NFIB: variants seen among roughly 807,000 people sequenced by gnomAD.
NFIB encodes the protein nuclear factor 1 B-type.
In NFIB, 11 loss-of-function variants were observed where a neutral mutation model predicts 61.5. That is an observed-to-expected ratio of 0.18 (90% CI 0.11 to 0.30). The LOEUF (loss-of-function observed/expected upper bound fraction) is 0.30. Among genes scored for constraint, NFIB ranks in the 10% least tolerant of loss-of-function variants. NFIB has a pLI of 1.00. For synonymous variants in NFIB, 260 were observed against 216.5 expected, an observed-to-expected ratio of 1.20 and a Z score of -1.76; for missense variants, 471 against 608.9, an observed-to-expected ratio of 0.77 and a Z score of 2.38.
chr9:14,153,382 T>C (rs528598475), intron 4 of NFIB, among the ~76,000 whole-genome samples: 1 of 152,070 alleles, frequency 6.6e-6, no homozygotes, highest in African/African-American at 2.4e-5. Flanking sequence ...CTTAAGAGCC[T>C]CTGGAAGAAC....
At chr9:14,251,152 A>T (rs553083582) in intron 2 of NFIB, among the ~76,000 whole-genome samples, 1 of 152,328 alleles carries the variant, frequency 6.6e-6, no homozygotes, top group South Asian at 2.1e-4. Context: ...ACATACAAAG[A>T]ACTTTACGGT....
the NFIB span, among the ~76,000 whole-genome samples, chr9:14,459,098 G>A: frequency 6.6e-6 from 1 of 151,896 alleles, no homozygotes; most frequent in Non-Finnish European, 1.5e-5. Context: ...GAGGCATCAC[G>A]CTACCTGACT....
At chr9:14,218,771 C>G (rs1357964994) in intron 2 of NFIB, among the ~76,000 whole-genome samples, 2 of 152,196 alleles carry the variant, frequency 1.3e-5, no homozygotes, top group African/African-American at 4.8e-5. Context: ...TGGCCTTGAT[C>G]ACAGTGGATG....
chr9:14,365,813 G>A (rs191505865), intron 1 of NFIB, among the ~76,000 whole-genome samples: 26 of 152,258 alleles, frequency 1.7e-4, no homozygotes, highest in Admixed American at 9.8e-4. Context: ...AGTATCAAGC[G>A]TGTTCCTTTC....
chr9:14,376,308 A>G (rs922415952), intron 1 of NFIB, among the ~76,000 whole-genome samples: 1 of 152,152 alleles, frequency 6.6e-6, no homozygotes, highest in Non-Finnish European at 1.5e-5. Flanking sequence ...TTTTAAACAT[A>G]ATTTTTAAAA....
chr9:14,359,163 G>A (rs1277407336), intron 1 of NFIB, among the ~76,000 whole-genome samples: 2 of 152,186 alleles, frequency 1.3e-5, no homozygotes, highest in Admixed American at 6.5e-5. Context: ...TGTTAAACTG[G>A]CAGCTGTAGT....
Position 14,085,303 on chromosome 9 carries a change from G to C in NFIB, c.*3006C>G, listed in dbSNP as rs755810617. 9 of 226,136 alleles carry C rather than the reference G, an allele frequency of 4.0e-5. No homozygotes were observed. The highest frequency in any genetic ancestry group is 7.0e-5 in the Non-Finnish European group (8 of 113,762). 14.0% of individuals were successfully genotyped at this position (226,136 alleles called of 1,614,324 possible). A position where few individuals can be genotyped will look rare whatever the true frequency, so the allele number is the denominator to read the frequency against. On this transcript the variant is annotated 3_prime_UTR_variant, in exon 11 of 11. Coordinates refer to ENST00000380953, the MANE Select transcript of NFIB (RefSeq NM_001190737.2). ...ATGGCCTAGGGGAAGGGGGCCAGGG[G>C]ACTCCTTAAGACAGCCTACCATGTG...
intron 7 of NFIB, among the ~76,000 whole-genome samples, chr9:14,123,080 C>G (rs997928269): frequency 6.6e-6 from 1 of 151,354 alleles, no homozygotes; most frequent in Non-Finnish European, 1.5e-5. Flanking sequence ...ATGGTGAAAC[C>G]CCATCTCTAC....
intron 3 of NFIB, among the ~76,000 whole-genome samples, chr9:14,160,118 T>A (rs2043977533): frequency 6.6e-6 from 1 of 152,156 alleles, no homozygotes; most frequent in African/African-American, 2.4e-5. Flanking sequence ...CATGTGTGCT[T>A]TTTAAAAAAA....
the NFIB span, among the ~76,000 whole-genome samples, chr9:14,444,589 G>C: frequency 2.0e-5 from 3 of 152,068 alleles, no homozygotes; most frequent in Non-Finnish European, 4.4e-5. Flanking sequence ...ATTAGATGTT[G>C]AAAGACTCAG....
intron 1 of NFIB, among the ~76,000 whole-genome samples, chr9:14,333,399 T>C (rs918495979): frequency 1.3e-5 from 2 of 152,158 alleles, no homozygotes; most frequent in Admixed American, 1.3e-4. Flanking sequence ...GCAGACTTTT[T>C]CTTCACCCCT....
At chr9:14,329,543 C>G (rs974104029) in intron 1 of NFIB, among the ~76,000 whole-genome samples, 3 of 151,958 alleles carry the variant, frequency 2.0e-5, no homozygotes, top group East Asian at 3.9e-4. Flanking sequence ...AAGACGGAGT[C>G]TCACTCTGTC....
chr9:14,313,784 GGCC>G lies in NFIB; in HGVS notation c.-276_-274del, dbSNP rs543371393. On this transcript the variant is annotated 5_prime_UTR_variant, in exon 1 of 11. Coordinates refer to ENST00000380953, the MANE Select transcript of NFIB (RefSeq NM_001190737.2). This position sits in a 1 kb window ranked among gnomAD's most constrained non-coding sequence, Gnocchi z 4.5. Reference sequence around the variant, plus strand: ...CGAGCGCGCTGGCCGTGCTTGCCGAGGCCGCCGCCGCCGCCGGTGTTGGCTGCT... The same window carrying G: ...CGAGCGCGCTGGCCGTGCTTGCCGAGGCCGCCGCCGCCGGTGTTGGCTGCT... 239 of 1,338,342 alleles carry G rather than the reference GGCC, an allele frequency of 1.8e-4. No individual in the cohort carries two copies. Among genetic ancestry groups the G allele is most frequent in the Admixed American group, 3.4e-4 (10 of 29,106 alleles). The allele number at this position is 1,338,342 out of a possible 1,614,324, so 82.9% of individuals were successfully genotyped here. A position where few individuals can be genotyped will look rare whatever the true frequency, so the allele number is the denominator to read the frequency against.
chr9:14,234,794 T>A (rs961885506), intron 2 of NFIB, among the ~76,000 whole-genome samples: 5 of 113,550 alleles, frequency 4.4e-5, no homozygotes, highest in Non-Finnish European at 6.8e-5. Flanking sequence ...TTCGTTGAAA[T>A]TTTTTTTTTG....
At chr9:14,166,622 T>C (rs1028847505) in intron 3 of NFIB, among the ~76,000 whole-genome samples, 1 of 152,188 alleles carries the variant, frequency 6.6e-6, no homozygotes, top group African/African-American at 2.4e-5. Context: ...GCTCATCAAA[T>C]TTTTCTCCAT....
chr9:14,464,500 G>T, the NFIB span, among the ~76,000 whole-genome samples: 1 of 152,192 alleles, frequency 6.6e-6, no homozygotes, highest in Non-Finnish European at 1.5e-5. Flanking sequence ...AACAAAAACA[G>T]AACCTGAAGT....
chr9:14,294,130 C>G (rs532797297), intron 2 of NFIB, among the ~76,000 whole-genome samples: 1 of 152,282 alleles, frequency 6.6e-6, no homozygotes, highest in East Asian at 1.9e-4. Flanking sequence ...GAAGTCATTC[C>G]AAATGTTCCA....
chr9:14,288,044 A>T (rs970315519), intron 2 of NFIB, among the ~76,000 whole-genome samples: 1 of 152,158 alleles, frequency 6.6e-6, no homozygotes, highest in Admixed American at 6.5e-5. Context: ...TAACTTAAGA[A>T]TATTTTTAAA....
chr9:14,192,820 C>T (rs1009789860), intron 2 of NFIB, among the ~76,000 whole-genome samples: 2 of 152,156 alleles, frequency 1.3e-5, no homozygotes, highest in East Asian at 3.8e-4. Flanking sequence ...ATTACTGTAA[C>T]TGGCCTTGCC....
Sources: allele counts gnomAD v4.1 joint callset (sites outside exome capture counted in the v4.1 genomes callset), GRCh38; gene constraint gnomAD v4.1.1; non-coding constraint Gnocchi (gnomAD v3.1); transcripts MANE v1.5; gene names NCBI Gene and HGNC (gene_info 2026-07-23, HGNC 2026-07-21).